The following SLC2A4 variants were observed in gnomAD, a reference collection of about 807,000 sequenced individuals.
SLC2A4 encodes solute carrier family 2 member 4, also known as solute carrier family 2, facilitated glucose transporter member 4.
A neutral mutation model predicts 53.3 loss-of-function variants in SLC2A4; 31 were observed. That is an observed-to-expected ratio of 0.58 (90% CI 0.44 to 0.78). The LOEUF is 0.78. SLC2A4 is among the 30% of genes least tolerant of loss of function. The pLI is 0.00. For synonymous variants in SLC2A4, 276 were observed against 281.9 expected (o/e 0.98, Z 0.21); for missense variants, 538 against 655.7 (o/e 0.82, Z 1.96).
rs1328202074 is a variant in SLC2A4, at chr17:7,285,094, T to C, written c.1027T>C (p.Leu343=). Residue 343 remains leucine (L), a synonymous_variant, in exon 9 of 11, where the codon TTG becomes CTG. Coordinates refer to ENST00000317370, the MANE Select transcript of SLC2A4 (RefSeq NM_001042.3). The surrounding 1 kb of genome is among the most constrained non-coding windows in gnomAD (Gnocchi z 6.0). ...GCTCCGACTCTCCCCGCAGGTGTTG[T>C]TGGTGGAGCGGGCGGGGCGCCGGAC... ...NTVFTLVSVL[L]VERAGRRTLH... 1 of 1,606,418 alleles carries C rather than the reference T, an allele frequency of 6.2e-7. No individual in the cohort carries two copies. Among genetic ancestry groups the C allele is most frequent in the East Asian group, 2.2e-5 (1 of 44,728 alleles).
rs768055176 is a variant in SLC2A4, at chr17:7,284,857, T to A, written c.938T>A (p.Ile313Asn). 1 of 1,614,238 alleles carries A rather than the reference T, an allele frequency of 6.2e-7. No homozygotes were observed. Among genetic ancestry groups the A allele is most frequent in the Non-Finnish European group, 8.5e-7 (1 of 1,180,036 alleles). Residue 313 changes from isoleucine (I) to asparagine (N), a missense_variant, in exon 8 of 11, where the codon ATC (isoleucine) becomes AAC (asparagine). Coordinates refer to ENST00000317370, the MANE Select transcript of SLC2A4 (RefSeq NM_001042.3). The surrounding 1 kb of genome is among the most constrained non-coding windows in gnomAD (Gnocchi z 7.5). The part of the protein sequence containing the change: ...INAVFYYSTS[I>N]FETAGVGQPA... ...TAGGTTTTCTATTATTCGACCAGCA[T>A]CTTCGAGACAGCAGGGGTAGGCCAG...
Position 7,281,903 on chromosome 17 carries a change from C to T in SLC2A4, c.-32C>T, listed in dbSNP as rs779806250. ...CCAGGATCGGTTCTTTCATCTTCGC[C>T]GCCCCTGCGCGTCCAGCTCTTCTAA... On this transcript the variant is annotated 5_prime_UTR_variant, in exon 1 of 11. Transcript: ENST00000317370. 1 of 1,594,240 alleles carries T rather than the reference C, an allele frequency of 6.3e-7. No individual in the cohort carries two copies. The highest frequency in any genetic ancestry group is 8.5e-7 in the Non-Finnish European group (1 of 1,170,100).
In SLC2A4 at chr17:7,285,155, G is replaced by T; in HGVS notation, c.1088G>T (p.Cys363Phe). The T allele has an allele frequency of 6.2e-7, 1 of 1,603,006 alleles. No homozygotes were observed. The highest frequency in any genetic ancestry group is 8.5e-7 in the Non-Finnish European group (1 of 1,176,510). The change falls in exon 9 of 11, where the codon TGT becomes TTT. Residue 363 changes from cysteine (C) to phenylalanine (F), a missense_variant. By Grantham distance (205) the Cys-to-Phe change is radical. Transcript: ENST00000317370. This position sits in a 1 kb window ranked among gnomAD's most constrained non-coding sequence, Gnocchi z 6.0. ...CTGGGCCTGGCGGGCATGTGTGGCT[G>T]TGCCATCCTGATGACTGTGGCTCTG... ...HLLGLAGMCG[C>F]AILMTVALLL...
In SLC2A4 at chr17:7,281,928, A is replaced by G; in HGVS notation, c.-7A>G. 2 of 1,572,868 alleles carry G rather than the reference A, an allele frequency of 1.3e-6. No individual in the cohort carries two copies. Among genetic ancestry groups the G allele is most frequent in the Non-Finnish European group, 1.7e-6 (2 of 1,156,384 alleles). ...CGCCCCTGCGCGTCCAGCTCTTCTA[A>G]GACGAGATGCCGTCGGGCTTCCAAC... On this transcript the variant is annotated 5_prime_UTR_variant, in exon 1 of 11. Transcript: ENST00000317370.
In SLC2A4 at chr17:7,282,660, C is replaced by T. The variant is rs763385574; in HGVS notation, c.34-585C>T. On this transcript the variant is annotated intron_variant, in intron 1 of 10. Coordinates refer to ENST00000317370, the MANE Select transcript of SLC2A4 (RefSeq NM_001042.3). This position sits in a 1 kb window ranked among gnomAD's most constrained non-coding sequence, Gnocchi z 4.1. ...ACGACGTAGATAGAGAAGGCCACCC[C>T]TAGATGACCGGGATGTCCTTTCTGG... Among the ~76,000 whole-genome samples, 4 of 152,240 alleles carry T rather than the reference C, an allele frequency of 2.6e-5. No individual in the cohort carries two copies. Among genetic ancestry groups the T allele is most frequent in the Non-Finnish European group, 5.9e-5 (4 of 68,034 alleles).
chr17:7,286,179 G>A, intron 10 of SLC2A4: 1 of 629,666 alleles, frequency 1.6e-6, no homozygotes, highest in South Asian at 1.9e-5. Context: ...CAAACAGCTG[G>A]GACTCTCCTC....
Position 7,284,324 on chromosome 17 carries a change from C to T in SLC2A4, c.672C>T (p.Pro224=), listed in dbSNP as rs72556546. Residue 224 remains proline (P), a synonymous_variant, in exon 6 of 11, where the codon CCC becomes CCT. Coordinates refer to ENST00000317370, the MANE Select transcript of SLC2A4 (RefSeq NM_001042.3). This position sits in a 1 kb window ranked among gnomAD's most constrained non-coding sequence, Gnocchi z 7.5. The part of the protein sequence containing the change: ...LLQLVLLPFC[P]ESPRYLYIIQ... ...AGCTGGTCCTGCTGCCCTTCTGTCC[C>T]GAGAGCCCCCGCTACCTCTACATCA... is the stretch of plus-strand genomic sequence containing the variant. The T allele has an allele frequency of 3.0e-5, 49 of 1,614,132 alleles. No homozygotes were observed. The African/African-American group carries it at 3.5e-4, about 11-fold the overall frequency.
In SLC2A4 at chr17:7,284,276, C is replaced by T. The variant is rs2072429220; in HGVS notation, c.624C>T (p.Leu208=). Residue 208 remains leucine (L), a synonymous_variant, in exon 6 of 11, where the codon CTC becomes CTT. Transcript: ENST00000317370. The surrounding 1 kb of genome is among the most constrained non-coding windows in gnomAD (Gnocchi z 7.5). ...GCCTGTGGCCACTGCTCCTGGGCCTCACAGTGCTACCTGCCCTCCTGCAGC... is the reference window on the plus strand; with the variant it reads ...GCCTGTGGCCACTGCTCCTGGGCCTTACAGTGCTACCTGCCCTCCTGCAGC... ...TASLWPLLLG[L]TVLPALLQLV... is the part of the protein sequence containing the mutation. 2 of 1,614,050 alleles carry T rather than the reference C, an allele frequency of 1.2e-6. No individual in the cohort carries two copies. Among genetic ancestry groups the T allele is most frequent in the Non-Finnish European group, 8.5e-7 (1 of 1,180,030 alleles).
chr17:7,282,183 G>A lies in SLC2A4; in HGVS notation c.33+216G>A. The A allele has an allele frequency of 3.2e-6, 2 of 627,822 alleles. No homozygotes were observed. Among genetic ancestry groups the A allele is most frequent in the Non-Finnish European group, 5.8e-6 (2 of 345,062 alleles). The allele number at this position is 627,822 out of a possible 1,614,324, so 38.9% of individuals were successfully genotyped here. On this transcript the variant is annotated intron_variant, in intron 1 of 10. Transcript: ENST00000317370. This position sits in a 1 kb window ranked among gnomAD's most constrained non-coding sequence, Gnocchi z 4.1. ...GGTCTGGAGGGCCTTTCGGGGCACA[G>A]GCAGCAAGTGGATTCTGCGAGCCAG...
At position 7,285,389 on chromosome 17, in the gene SLC2A4, G is replaced by A. The variant is rs1223559967; in HGVS notation, c.1122+200G>A. Among the ~76,000 whole-genome samples, 2 of 152,222 alleles carry A rather than the reference G, an allele frequency of 1.3e-5. No homozygotes were observed. Among genetic ancestry groups the A allele is most frequent in the African/African-American group, 4.8e-5 (2 of 41,450 alleles). ...TGAGGGATTTGGGCTGCACTGGGAG[G>A]CAGCTGTGGCACAACTCTGGCAGCC... On this transcript the variant is annotated intron_variant, in intron 9 of 10. Transcript: ENST00000317370. This position sits in a 1 kb window ranked among gnomAD's most constrained non-coding sequence, Gnocchi z 6.0.
chr17:7,285,983 C>G lies in SLC2A4; in HGVS notation c.1326+75C>G. 7.3e-7 allele frequency: 1 copy of G among 1,363,556 alleles called. No homozygotes were observed. 84.5% of individuals were successfully genotyped at this position (1,363,556 alleles called of 1,614,324 possible). A position where few individuals can be genotyped will look rare whatever the true frequency, so the allele number is the denominator to read the frequency against. On this transcript the variant is annotated intron_variant, in intron 10 of 10. Transcript: ENST00000317370. The surrounding 1 kb of genome is among the most constrained non-coding windows in gnomAD (Gnocchi z 6.0). ...CACACAGCTAGCCCACCTGCTTCCCCGTCAGGGACTCCTCCAGCCACAGAC... is the reference window on the plus strand; with the variant it reads ...CACACAGCTAGCCCACCTGCTTCCCGGTCAGGGACTCCTCCAGCCACAGAC...
chr17:7,281,994 CGGGGGG>C, intron 1 of SLC2A4, 27 bp downstream of exon 1: 3 of 223,008 alleles, frequency 1.3e-5, no homozygotes, highest in Non-Finnish European at 2.7e-5. Flanking sequence ...GGGGGCGGGG[CGGGGGG>C]GCACGGGTCC....
At position 7,284,030 on chromosome 17, in the gene SLC2A4, C is replaced by T. The variant is rs1045784657; in HGVS notation, c.505C>T (p.Arg169Trp). The change falls in exon 5 of 11, where the codon CGG becomes TGG. Residue 169 changes from arginine (R) to tryptophan (W), a missense_variant. Physicochemically the swap from Arg to Trp is moderately radical, Grantham distance 101. Transcript: ENST00000317370. This position sits in a 1 kb window ranked among gnomAD's most constrained non-coding sequence, Gnocchi z 7.5. ...YVGEIAPTHL[R>W]GALGTLNQLA... ...GGGGGAGATTGCTCCCACTCACCTGCGGGGCGCCCTGGGGACGCTCAACCA... is the reference window on the plus strand; with the variant it reads ...GGGGGAGATTGCTCCCACTCACCTGTGGGGCGCCCTGGGGACGCTCAACCA... 5.6e-6 allele frequency: 9 copies of T among 1,613,814 alleles called. No homozygotes were observed. The highest frequency in any genetic ancestry group is 2.2e-5 in the South Asian group (2 of 91,048).
chr17:7,285,952 G>A lies in SLC2A4; in HGVS notation c.1326+44G>A. ...GCCTCCCACACCGTAGGCCAGAGGT[G>A]GGCATCACACAGCTAGCCCACCTGC... On this transcript the variant is annotated intron_variant, in intron 10 of 10. Coordinates refer to ENST00000317370, the MANE Select transcript of SLC2A4 (RefSeq NM_001042.3). The surrounding 1 kb of genome is among the most constrained non-coding windows in gnomAD (Gnocchi z 6.0). 1.3e-6 allele frequency: 2 copies of A among 1,570,268 alleles called. No individual in the cohort carries two copies. Among genetic ancestry groups the A allele is most frequent in the South Asian group, 1.2e-5 (1 of 86,784 alleles).
rs1387482281 is a variant in SLC2A4 at position 7,282,825 on chromosome 17, A to T, written c.34-420A>T. On this transcript the variant is annotated intron_variant, in intron 1 of 10. Coordinates refer to ENST00000317370, the MANE Select transcript of SLC2A4 (RefSeq NM_001042.3). This position sits in a 1 kb window ranked among gnomAD's most constrained non-coding sequence, Gnocchi z 4.1. ...CAGCACTGTCAAGGATATTGTTAACATGTGATGTTGATTTTCACAACACTC... is the reference window on the plus strand; with the variant it reads ...CAGCACTGTCAAGGATATTGTTAACTTGTGATGTTGATTTTCACAACACTC... The T allele has an allele frequency of 2.0e-5, 7 of 352,116 alleles. No individual in the cohort carries two copies. Among genetic ancestry groups the T allele is most frequent in the East Asian group, 1.5e-4 (2 of 13,492 alleles). The allele number at this position is 352,116 out of a possible 1,614,324, so 21.8% of individuals were successfully genotyped here.
Position 7,282,001 on chromosome 17 carries a change from G to GGGGGCC in SLC2A4, c.33+34_33+35insGGGGCC. The GGGGGCC allele has an allele frequency of 9.3e-6, 5 of 535,042 alleles. No homozygotes were observed. Among genetic ancestry groups the GGGGGCC allele is most frequent in the Non-Finnish European group, 1.5e-5 (4 of 269,464 alleles). The allele number at this position is 535,042 out of a possible 1,614,324, so 33.1% of individuals were successfully genotyped here. The stretch of plus-strand genomic sequence containing the variant: ...CATCATGAGGGGGCGGGGCGGGGGG[G>GGGGGCC]CACGGGTCCCGCTTTTCTTGGGCTG... On this transcript the variant is annotated intron_variant, in intron 1 of 10. Transcript: ENST00000317370. The surrounding 1 kb of genome is among the most constrained non-coding windows in gnomAD (Gnocchi z 4.1).
At position 7,285,919 on chromosome 17, in the gene SLC2A4, C is replaced by T; in HGVS notation, c.1326+11C>T. 1.2e-6 allele frequency: 2 copies of T among 1,608,602 alleles called. No individual in the cohort carries two copies. The highest frequency in any genetic ancestry group is 1.7e-6 in the Non-Finnish European group (2 of 1,175,924). ...TTCCAGTATGTTGCGGTAGGTCCCC[C>T]CGCCCCAGCCTCCCACACCGTAGGC... On this transcript the variant is annotated intron_variant, in intron 10 of 10. Coordinates refer to ENST00000317370, the MANE Select transcript of SLC2A4 (RefSeq NM_001042.3). The surrounding 1 kb of genome is among the most constrained non-coding windows in gnomAD (Gnocchi z 6.0).
Position 7,282,435 on chromosome 17 carries a change from T to C in SLC2A4, c.33+468T>C, listed in dbSNP as rs2072410271. ...AACTTTCCCTTGGCCCCATGGTTGG[T>C]GGAGGGGCAGAGGGGACTGTCAGCC... On this transcript the variant is annotated intron_variant, in intron 1 of 10. Transcript: ENST00000317370. This position sits in a 1 kb window ranked among gnomAD's most constrained non-coding sequence, Gnocchi z 4.1. The C allele has an allele frequency of 2.2e-6, 1 of 456,778 alleles. No individual in the cohort carries two copies. 28.3% of individuals were successfully genotyped at this position (456,778 alleles called of 1,614,324 possible). A position where few individuals can be genotyped will look rare whatever the true frequency, so the allele number is the denominator to read the frequency against.
Position 7,281,845 on chromosome 17 carries a change from C to T in SLC2A4, c.-90C>T, listed in dbSNP as rs1460746211. The T allele has an allele frequency of 1.4e-6, 2 of 1,409,190 alleles. No homozygotes were observed. Among genetic ancestry groups the T allele is most frequent in the Non-Finnish European group, 2.0e-6 (2 of 1,017,594 alleles). 87.3% of individuals were successfully genotyped at this position (1,409,190 alleles called of 1,614,324 possible). The stretch of plus-strand genomic sequence containing the variant: ...CACTCCGGGACCCCCGCGGCCTCCG[C>T]AGGTTCTGCGCTCCAGGCCGGAGTC... On this transcript the variant is annotated 5_prime_UTR_variant, in exon 1 of 11. Coordinates refer to ENST00000317370, the MANE Select transcript of SLC2A4 (RefSeq NM_001042.3).
Sources: allele counts gnomAD v4.1 joint callset (sites outside exome capture counted in the v4.1 genomes callset), GRCh38; gene constraint gnomAD v4.1.1; non-coding constraint Gnocchi (gnomAD v3.1); transcripts MANE v1.5; gene names NCBI Gene and HGNC (gene_info 2026-07-23, HGNC 2026-07-21).